Variants in THSD7B observed in about 807,000 individuals in gnomAD.
The protein encoded by THSD7B is thrombospondin type 1 domain containing 7B.
A neutral mutation model predicts 213.6 loss-of-function variants in THSD7B; 138 were observed. The observed-to-expected ratio is 0.65, with a 90% CI of 0.56 to 0.74. The LOEUF (loss-of-function observed/expected upper bound fraction) is 0.74. Ranked by LOEUF, THSD7B falls within the 30% of genes least tolerant of loss-of-function variation. THSD7B has a pLI of 0.00. For synonymous variants in THSD7B, 742 were observed against 687.0 expected (o/e 1.08, Z -1.25); for missense variants, 1,931 against 1,991.5 (o/e 0.97, Z 0.58).
At chr2:137,468,341 C>T (rs1480996935) in intron 15 of THSD7B, among the ~76,000 whole-genome samples, 1 of 151,990 alleles carries the variant, frequency 6.6e-6, no homozygotes, top group Non-Finnish European at 1.5e-5. Context: ...AGGGTAGAAT[C>T]TTAGCAAGTG....
At chr2:137,445,178 C>A (rs1687510933) in intron 14 of THSD7B, among the ~76,000 whole-genome samples, 1 of 151,950 alleles carries the variant, frequency 6.6e-6, no homozygotes, top group Non-Finnish European at 1.5e-5. Context: ...ATTAGTACAG[C>A]CACTATGAAA....
At chr2:136,795,495 G>A (rs543047652) in intron 1 of THSD7B, among the ~76,000 whole-genome samples, 2 of 151,952 alleles carry the variant, frequency 1.3e-5, no homozygotes, top group African/African-American at 4.8e-5. Context: ...TGCTGTGTGA[G>A]GTATCATATC....
chr2:137,101,793 G>A (rs1041181264), intron 4 of THSD7B, among the ~76,000 whole-genome samples: 8 of 152,316 alleles, frequency 5.3e-5, no homozygotes, highest in South Asian at 2.1e-4. Flanking sequence ...ACTGGGTGGA[G>A]TCCACCACCG....
At chr2:137,177,004 A>T (rs1680370164) in intron 7 of THSD7B, among the ~76,000 whole-genome samples, 1 of 152,214 alleles carries the variant, frequency 6.6e-6, no homozygotes, top group African/African-American at 2.4e-5. Context: ...TAGTCAATCC[A>T]TTCCTATAGG....
At chr2:137,176,649 G>A (rs1251360598) in intron 7 of THSD7B, among the ~76,000 whole-genome samples, 1 of 152,128 alleles carries the variant, frequency 6.6e-6, no homozygotes, top group Non-Finnish European at 1.5e-5. Context: ...TGAAATTCCA[G>A]CTGATATCAC....
chr2:137,071,176 G>C (rs189491147), intron 3 of THSD7B, among the ~76,000 whole-genome samples: 7 of 152,234 alleles, frequency 4.6e-5, no homozygotes, highest in East Asian at 3.9e-4. Flanking sequence ...TACAGTCCCA[G>C]CAACAGTGTA....
intron 15 of THSD7B, among the ~76,000 whole-genome samples, chr2:137,521,283 C>T (rs1411309180): frequency 6.6e-6 from 1 of 152,060 alleles, no homozygotes; most frequent in Non-Finnish European, 1.5e-5. Flanking sequence ...TAAAACAAAA[C>T]AGATATTTGT....
At chr2:137,430,831 G>T (rs994419805) in intron 14 of THSD7B, among the ~76,000 whole-genome samples, 2 of 152,176 alleles carry the variant, frequency 1.3e-5, no homozygotes, top group Non-Finnish European at 2.9e-5. Context: ...GGGGAGGGAA[G>T]ACACTGACCA....
intron 17 of THSD7B, among the ~76,000 whole-genome samples, chr2:137,582,866 G>C (rs1681612951): frequency 6.6e-6 from 1 of 152,106 alleles, no homozygotes; most frequent in African/African-American, 2.4e-5. Flanking sequence ...GTAATGGGAT[G>C]GCTGGGTCAA....
intron 6 of THSD7B, among the ~76,000 whole-genome samples, chr2:137,161,397 A>G (rs527712057): frequency 1.4e-4 from 21 of 152,234 alleles, no homozygotes; most frequent in African/African-American, 4.8e-4. Context: ...TCCATGGCCA[A>G]ACACTTGATG....
At chr2:137,471,680 G>A (rs1226154028) in intron 15 of THSD7B, among the ~76,000 whole-genome samples, 4 of 152,000 alleles carry the variant, frequency 2.6e-5, no homozygotes, top group South Asian at 2.1e-4. Flanking sequence ...ACAAGTCATC[G>A]AAGCAATTCA....
At chr2:136,934,915 T>A in intron 2 of THSD7B, among the ~76,000 whole-genome samples, 1 of 151,380 alleles carries the variant, frequency 6.6e-6, no homozygotes, top group East Asian at 2.0e-4. Flanking sequence ...TTTTATCTCA[T>A]AAATCATTTA....
intron 1 of THSD7B, among the ~76,000 whole-genome samples, chr2:136,766,479 G>T (rs942301497): frequency 6.6e-6 from 1 of 152,098 alleles, no homozygotes; most frequent in Non-Finnish European, 1.5e-5. Flanking sequence ...TGTCTTACAT[G>T]TCCCATAGTA....
intron 12 of THSD7B, among the ~76,000 whole-genome samples, chr2:137,363,444 C>A (rs180759092): frequency 1.3e-5 from 2 of 152,124 alleles, no homozygotes; most frequent in East Asian, 3.9e-4. Context: ...TCAATGAATC[C>A]AGGAGCTGGT....
chr2:137,150,291 G>T (rs751653459), intron 5 of THSD7B, among the ~76,000 whole-genome samples: 3 of 151,750 alleles, frequency 2.0e-5, no homozygotes, highest in Non-Finnish European at 4.4e-5. Context: ...GAAGACATGA[G>T]ATTTGGGAGG....
At chr2:137,156,893 T>C (rs1242716535) in intron 5 of THSD7B, among the ~76,000 whole-genome samples, 1 of 152,052 alleles carries the variant, frequency 6.6e-6, no homozygotes, top group Non-Finnish European at 1.5e-5. Flanking sequence ...GTCAGCTGGG[T>C]CTTGGGGCTG....
intron 1 of THSD7B, among the ~76,000 whole-genome samples, chr2:136,785,392 G>A (rs375068537): frequency 1.3e-5 from 2 of 152,106 alleles, no homozygotes; most frequent in African/African-American, 4.8e-5. Context: ...CCTGGCTGCT[G>A]TCACTACCCT....
chr2:137,600,749 C>T (rs575220600), intron 17 of THSD7B, among the ~76,000 whole-genome samples: 71 of 152,074 alleles, frequency 4.7e-4, no homozygotes, highest in African/African-American at 1.7e-3. Flanking sequence ...CAAAACAAAA[C>T]AAAAAAACAA....
At chr2:136,992,825 T>C (rs1404976336) in intron 2 of THSD7B, among the ~76,000 whole-genome samples, 6 of 152,174 alleles carry the variant, frequency 3.9e-5, no homozygotes, top group Non-Finnish European at 8.8e-5. Context: ...TACCAGCCCA[T>C]AGAGTGGACC....
Sources: gnomAD v4.1 joint callset for allele counts (sites outside exome capture counted in the v4.1 genomes callset) on GRCh38, gnomAD v4.1.1 for gene constraint, MANE v1.5 for transcripts, NCBI Gene and HGNC (gene_info 2026-07-23, HGNC 2026-07-21) for gene names.